Variants in RYR1 observed in about 807,000 individuals in gnomAD.
RYR1 encodes central core disease of muscle.
A neutral mutation model predicts 583.5 loss-of-function variants in RYR1; 342 were observed. The observed-to-expected ratio is 0.59, with a 90% CI of 0.54 to 0.64. RYR1 has a LOEUF of 0.64. Ranked by LOEUF, RYR1 falls within the 30% of genes least tolerant of loss-of-function variation. RYR1 has a pLI of 0.00. For missense variants in RYR1, 6,032 were observed against 6,917.2 expected (o/e 0.87, Z 4.54); for synonymous variants, 2,791 against 2,822.5 (o/e 0.99, Z 0.35).
Position 38,565,607 on chromosome 19 carries a change from G to A in RYR1, c.13273G>A (p.Ala4425Thr), listed in dbSNP as rs1054877165. ...AAEGAGDEEE[A>T]VHEAGPGGAD... ...GGAGGGCGCTGGAGACGAGGAGGAG[G>A]CGGTGCACGAGGCCGGGCCGGGCGG... Residue 4425 changes from alanine to threonine, a missense_variant, in exon 91 of 106, where the codon GCG (alanine) becomes ACG (threonine). Physicochemically the swap from Ala to Thr is moderately conservative, Grantham distance 58. Transcript: ENST00000359596. This position sits in a 1 kb window ranked among gnomAD's most constrained non-coding sequence, Gnocchi z 4.7. 6.9e-7 allele frequency: 1 copy of A among 1,447,876 alleles called. No homozygotes were observed. Among genetic ancestry groups the A allele is most frequent in the South Asian group, 1.4e-5 (1 of 71,438 alleles). The allele number at this position is 1,447,876 out of a possible 1,614,324, so 89.7% of individuals were successfully genotyped here.
In RYR1 at chr19:38,565,615, C is replaced by T. The variant is rs1396461166; in HGVS notation, c.13281C>T (p.His4427=). 2.1e-6 allele frequency: 3 copies of T among 1,421,706 alleles called. No homozygotes were observed. The highest frequency in any genetic ancestry group is 1.5e-5 in the African/African-American group (1 of 66,706). The allele number at this position is 1,421,706 out of a possible 1,614,324, so 88.1% of individuals were successfully genotyped here. A position where few individuals can be genotyped will look rare whatever the true frequency, so the allele number is the denominator to read the frequency against. The change falls in exon 91 of 106, where the codon CAC becomes CAT. Residue 4427 remains histidine, a synonymous_variant. Transcript: ENST00000359596. The surrounding 1 kb of genome is among the most constrained non-coding windows in gnomAD (Gnocchi z 4.7). Reference sequence around the variant, plus strand: ...CTGGAGACGAGGAGGAGGCGGTGCACGAGGCCGGGCCGGGCGGTGCCGACG... The same window carrying T: ...CTGGAGACGAGGAGGAGGCGGTGCATGAGGCCGGGCCGGGCGGTGCCGACG... ...EGAGDEEEAV[H]EAGPGGADGA... is the part of the protein sequence containing the mutation.
chr19:38,573,402 C>A, intron 96 of RYR1, 95 bp downstream of exon 96: 1 of 1,486,786 alleles, frequency 6.7e-7, no homozygotes, highest in Non-Finnish European at 9.1e-7. Context: ...GGGTTTCGGT[C>A]CGGGCACGGT....
At position 38,483,569 on chromosome 19, in the gene RYR1, G is replaced by A. The variant is rs907362300; in HGVS notation, c.4934+53G>A. The A allele has an allele frequency of 9.4e-6, 14 of 1,485,068 alleles. No homozygotes were observed. In the African/African-American group the frequency reaches 1.9e-4, roughly 21 times the overall value. 92.0% of individuals were successfully genotyped at this position (1,485,068 alleles called of 1,614,324 possible). A position where few individuals can be genotyped will look rare whatever the true frequency, so the allele number is the denominator to read the frequency against. On this transcript the variant is annotated intron_variant, in intron 33 of 105. Coordinates refer to ENST00000359596, the MANE Select transcript of RYR1 (RefSeq NM_000540.3). The surrounding 1 kb of genome is among the most constrained non-coding windows in gnomAD (Gnocchi z 6.3). ...TGGGCAGGTGTTGCAAGCCCTCTGG[G>A]GTCTGGGTCCCACTCAGTGCCCCTC...
intron 89 of RYR1, among the ~76,000 whole-genome samples, chr19:38,556,964 C>T (rs1972903255): frequency 6.6e-6 from 1 of 151,990 alleles, no homozygotes; most frequent in African/African-American, 2.4e-5. Context: ...CAGGAGGCAC[C>T]TCCTTTCCAG....
chr19:38,521,873 ATTT>A (rs1568533493), intron 67 of RYR1, among the ~76,000 whole-genome samples: 1 of 151,212 alleles, frequency 6.6e-6, no homozygotes. Context: ...CACCCGGCTA[ATTT>A]TTTTGTATTT....
At position 38,457,580 on chromosome 19, in the gene RYR1, G is replaced by T. The variant is rs1325279684; in HGVS notation, c.1875G>T (p.Leu625=). 3 of 1,614,148 alleles carry T rather than the reference G, an allele frequency of 1.9e-6. 1 individual carries two copies. The highest frequency in any genetic ancestry group is 2.7e-5 in the African/African-American group (2 of 75,004). ...SNQDLITENL[L]PGRELLLQTN... is the part of the protein sequence containing the mutation. ...AAGATCTTATTACTGAGAACTTGCT[G>T]CCTGGCCGTGAGCTTCTGCTGCAGA... Residue 625 remains leucine, a synonymous_variant, in exon 17 of 106, where the codon CTG becomes CTT. Coordinates refer to ENST00000359596, the MANE Select transcript of RYR1 (RefSeq NM_000540.3).
At chr19:38,439,927 G>A (rs895757828) in intron 1 of RYR1, among the ~76,000 whole-genome samples, 4 of 152,128 alleles carry the variant, frequency 2.6e-5, no homozygotes, top group East Asian at 3.8e-4. Context: ...AAAACAACAC[G>A]CAAAAGAGAG....
chr19:38,522,103 A>G (rs1454488954), intron 67 of RYR1, among the ~76,000 whole-genome samples: 1 of 152,136 alleles, frequency 6.6e-6, no homozygotes, highest in African/African-American at 2.4e-5. Context: ...GGGCCATGAT[A>G]GTACTTCCAG....
intron 101 of RYR1, among the ~76,000 whole-genome samples, chr19:38,581,439 G>A (rs1201970484): frequency 6.6e-6 from 1 of 151,974 alleles, no homozygotes; most frequent in African/African-American, 2.4e-5. Context: ...CTCCATCTCT[G>A]CCTGTGCCGT....
chr19:38,496,334 G>A lies in RYR1; in HGVS notation c.6663+5G>A. 6.2e-7 allele frequency: 1 copy of A among 1,613,952 alleles called. No homozygotes were observed. The highest frequency in any genetic ancestry group is 8.5e-7 in the Non-Finnish European group (1 of 1,180,008). On this transcript the variant is annotated splice_donor_5th_base_variant and intron_variant, in intron 40 of 105. Transcript: ENST00000359596. This position sits in a 1 kb window ranked among gnomAD's most constrained non-coding sequence, Gnocchi z 4.8. ...CTCGGGGGCGGCGAGTCCAAGGTGA[G>A]GGCCCAGGCAGGTGCTGGGGAGCTC...
Position 38,552,316 on chromosome 19 carries a change from G to A in RYR1, c.12282+3896G>A, listed in dbSNP as rs372045349. Among the ~76,000 whole-genome samples, 26 of 151,440 alleles carry A rather than the reference G, an allele frequency of 1.7e-4. No individual in the cohort carries two copies. The East Asian group carries it at 4.5e-3, about 26-fold the overall frequency. ...TGTCACCAGGCTGGAGTGCAGTGAT[G>A]TGATCTCGGCTCACTGCAAACTCCG... On this transcript the variant is annotated intron_variant, in intron 89 of 105. Coordinates refer to ENST00000359596, the MANE Select transcript of RYR1 (RefSeq NM_000540.3).
At chr19:38,457,744 C>A in intron 17 of RYR1, 114 bp downstream of exon 17, 3 of 1,121,258 alleles carry the variant, frequency 2.7e-6, no homozygotes, top group South Asian at 1.3e-5. Flanking sequence ...CCAGGGTTAA[C>A]AACCAGTCCT....
At chr19:38,469,952 C>T (rs891884103) in intron 27 of RYR1, among the ~76,000 whole-genome samples, 1 of 151,806 alleles carries the variant, frequency 6.6e-6, no homozygotes, top group African/African-American at 2.4e-5. Flanking sequence ...CACATATAGC[C>T]CTAGCTACTC....
At chr19:38,574,913 G>T (rs1386772413) in intron 96 of RYR1, among the ~76,000 whole-genome samples, 1 of 151,944 alleles carries the variant, frequency 6.6e-6, no homozygotes, top group Non-Finnish European at 1.5e-5. Flanking sequence ...GGCAGTGGGT[G>T]CCTGTAGTCA....
intron 60 of RYR1, 125 bp from the exon 61 acceptor site, chr19:38,511,436 C>G: frequency 1.0e-6 from 1 of 972,290 alleles, no homozygotes; most frequent in South Asian, 1.3e-5. Context: ...ATTTGGACCC[C>G]CTCCTGGTTC....
At position 38,565,301 on chromosome 19, in the gene RYR1, C is replaced by G. The variant is rs2145844982; in HGVS notation, c.12967C>G (p.Leu4323Val). The G allele has an allele frequency of 9.2e-7, 1 of 1,083,140 alleles. No individual in the cohort carries two copies. The highest frequency in any genetic ancestry group is 1.1e-6 in the Non-Finnish European group (1 of 894,194). 67.1% of individuals were successfully genotyped at this position (1,083,140 alleles called of 1,614,324 possible). The change falls in exon 91 of 106, where the codon CTT becomes GTT. Residue 4323 changes from leucine (L) to valine (V), a missense_variant. Transcript: ENST00000359596. This position sits in a 1 kb window ranked among gnomAD's most constrained non-coding sequence, Gnocchi z 4.7. The stretch of plus-strand genomic sequence containing the variant: ...GCGGCGCGTGCGGCGGCTGCGGCGG[C>G]TTACGGCCCGCGAGGCGGCCACCGC... ...LRRRVRRLRR[L>V]TAREAATAVA...
chr19:38,471,948 C>T (rs1968444595), intron 27 of RYR1, among the ~76,000 whole-genome samples: 2 of 149,850 alleles, frequency 1.3e-5, no homozygotes, highest in African/African-American at 4.9e-5. Context: ...ATCTTGTATG[C>T]ACAGTTTTAG....
chr19:38,502,524 C>G lies in RYR1; in HGVS notation c.7632C>G (p.Thr2544=). ...CGCCCTAGGCCACTTTCAGCACCAC[C>G]GAGATGGCGCTGGCGCTGAACCGCT... is the stretch of plus-strand genomic sequence containing the variant. The part of the protein sequence containing the change: ...ASLDTATFST[T]EMALALNRYL... Residue 2544 remains threonine, a synonymous_variant, in exon 48 of 106, where the codon ACC becomes ACG. Transcript: ENST00000359596. 1 of 1,608,326 alleles carries G rather than the reference C, an allele frequency of 6.2e-7. No individual in the cohort carries two copies. Among genetic ancestry groups the G allele is most frequent in the Non-Finnish European group, 8.5e-7 (1 of 1,179,634 alleles).
At position 38,444,715 on chromosome 19, in the gene RYR1, C is replaced by CA. The variant is rs751304571; in HGVS notation, c.631+38_631+39insA. On this transcript the variant is annotated intron_variant, in intron 7 of 105. Coordinates refer to ENST00000359596, the MANE Select transcript of RYR1 (RefSeq NM_000540.3). This position sits in a 1 kb window ranked among gnomAD's most constrained non-coding sequence, Gnocchi z 5.1. Reference sequence around the variant, plus strand: ...GACCTCCCCCTAAATGGAGATCCCCCCAAAACAGACCCTTAATGTTGCCCT... The same window carrying CA: ...GACCTCCCCCTAAATGGAGATCCCCCACAAAACAGACCCTTAATGTTGCCCT... 3.6e-5 allele frequency: 54 copies of CA among 1,482,178 alleles called. No homozygotes were observed. The highest frequency in any genetic ancestry group is 3.4e-4 in the Middle Eastern group (2 of 5,856). 91.8% of individuals were successfully genotyped at this position (1,482,178 alleles called of 1,614,324 possible).
Sources: gnomAD v4.1 joint callset for allele counts (sites outside exome capture counted in the v4.1 genomes callset) on GRCh38, gnomAD v4.1.1 for gene constraint, Gnocchi (gnomAD v3.1) non-coding constraint, MANE v1.5 for transcripts, NCBI Gene and HGNC (gene_info 2026-07-23, HGNC 2026-07-21) for gene names.